The following TENM3 variants were observed in gnomAD, a reference collection of about 807,000 sequenced individuals.
TENM3 encodes the protein teneurin transmembrane protein 3, also known as teneurin-3.
TENM3 carries 63 observed loss-of-function variants against 255.1 expected under a neutral mutation model. The ratio of observed to expected loss-of-function variants is 0.25; its 90% CI spans 0.20 to 0.30. TENM3 has a LOEUF of 0.30. Among genes scored for constraint, TENM3 ranks in the 10% least tolerant of loss-of-function variants. The probability of loss-of-function intolerance (pLI) is 1.00; values close to 1 mark genes in which losing one functional copy is unlikely to be tolerated. For missense variants in TENM3, 2,929 were observed against 3,461.1 expected (o/e 0.85, Z 3.86); for synonymous variants, 1,306 against 1,322.3 (o/e 0.99, Z 0.27).
At chr4:182,569,099 T>C (rs1207943075) in intron 3 of TENM3, among the ~76,000 whole-genome samples, 9 of 152,216 alleles carry the variant, frequency 5.9e-5, no homozygotes, top group Non-Finnish European at 1.3e-4. Flanking sequence ...AGTTGTCAAA[T>C]TTGTCAAACT....
the TENM3 span, among the ~76,000 whole-genome samples, chr4:181,781,712 T>G: frequency 2.0e-5 from 3 of 152,232 alleles, no homozygotes; most frequent in African/African-American, 7.2e-5. Context: ...TCAAAGGGAC[T>G]GCTTCCAGTT....
the TENM3 span, among the ~76,000 whole-genome samples, chr4:181,767,806 T>A: frequency 6.6e-5 from 10 of 152,336 alleles, no homozygotes; most frequent in East Asian, 1.9e-3. Flanking sequence ...CTTCAAGGCA[T>A]ATTTTAATAT....
intron 3 of TENM3, among the ~76,000 whole-genome samples, chr4:182,368,668 TA>T (rs1213039081): frequency 6.6e-5 from 10 of 152,264 alleles, no homozygotes; most frequent in African/African-American, 2.2e-4. Flanking sequence ...AATTGATCTC[TA>T]AAAGGGATAA....
At chr4:182,011,625 G>A in the TENM3 span, among the ~76,000 whole-genome samples, 8 of 152,124 alleles carry the variant, frequency 5.3e-5, no homozygotes, top group South Asian at 6.2e-4. Context: ...TGCCCACCTC[G>A]GCAGCTTCAT....
the TENM3 span, among the ~76,000 whole-genome samples, chr4:181,971,697 CGTAG>C: frequency 6.6e-6 from 1 of 151,908 alleles, no homozygotes; most frequent in East Asian, 1.9e-4. Context: ...CTCTCTAGTA[CGTAG>C]GACCACAGGC....
chr4:182,691,382 G>T (rs7694547), intron 12 of TENM3, among the ~76,000 whole-genome samples: 35,166 of 152,162 alleles, frequency 0.23, 4,934 homozygotes, highest in East Asian at 0.69. Flanking sequence ...AAATGGAGGA[G>T]AAAGTAAACA....
At chr4:181,490,497 T>G in the TENM3 span, among the ~76,000 whole-genome samples, 11 of 152,210 alleles carry the variant, frequency 7.2e-5, no homozygotes, top group Admixed American at 3.9e-4. Context: ...ACAAAATCAG[T>G]TAATACAATA....
the TENM3 span, among the ~76,000 whole-genome samples, chr4:181,764,354 C>T: frequency 6.6e-6 from 1 of 152,170 alleles, no homozygotes; most frequent in African/African-American, 2.4e-5. Flanking sequence ...TTCCACTCCA[C>T]TGCATAAAGT....
At chr4:182,600,648 A>G (rs1294550826) in intron 3 of TENM3, among the ~76,000 whole-genome samples, 6 of 151,416 alleles carry the variant, frequency 4.0e-5, no homozygotes, top group Non-Finnish European at 8.8e-5. Context: ...AAACCAGATG[A>G]AAAAAAAATC....
the TENM3 span, among the ~76,000 whole-genome samples, chr4:181,668,788 C>T: frequency 3.9e-5 from 6 of 152,134 alleles, no homozygotes; most frequent in African/African-American, 9.7e-5. Context: ...CCTACTCCTC[C>T]GCCTTTGCCC....
chr4:182,345,668 C>A (rs868711430), intron 2 of TENM3, among the ~76,000 whole-genome samples: 3 of 152,032 alleles, frequency 2.0e-5, no homozygotes, highest in Non-Finnish European at 4.4e-5. Context: ...TAGTATAAAA[C>A]GTGAAATTTC....
the TENM3 span, among the ~76,000 whole-genome samples, chr4:181,479,246 G>A: frequency 6.6e-6 from 1 of 152,076 alleles, no homozygotes; most frequent in Non-Finnish European, 1.5e-5. Flanking sequence ...ATGCTAATTG[G>A]AATAGTAGAT....
In TENM3 at chr4:182,677,750, C is replaced by CAA; in HGVS notation, c.1327-1913_1327-1912dup. Among the ~76,000 whole-genome samples the CAA allele has an allele frequency of 2.0e-5, 3 of 151,894 alleles. No homozygotes were observed. In the South Asian group the frequency reaches 6.2e-4, roughly 32 times the overall value. The stretch of plus-strand genomic sequence containing the variant: ...TGAATTCTGTTCTGATGAAACTACA[C>CAA]AAAAGAACAAAAAAAGGTTTTACTT... On this transcript the variant is annotated intron_variant, in intron 7 of 27. Coordinates refer to ENST00000511685, the MANE Select transcript of TENM3 (RefSeq NM_001080477.4).
At chr4:182,743,739 G>C (rs1761780330) in intron 19 of TENM3, among the ~76,000 whole-genome samples, 1 of 152,070 alleles carries the variant, frequency 6.6e-6, no homozygotes, top group African/African-American at 2.4e-5. Flanking sequence ...CTGTGACATA[G>C]GTGTAGCTCT....
At chr4:182,428,410 C>T (rs1014278846) in intron 3 of TENM3, among the ~76,000 whole-genome samples, 6 of 152,174 alleles carry the variant, frequency 3.9e-5, no homozygotes, top group African/African-American at 1.2e-4. Context: ...TGCTTTGCTT[C>T]TCCTGCTTAC....
chr4:181,641,731 T>G, the TENM3 span, among the ~76,000 whole-genome samples: 1 of 119,646 alleles, frequency 8.4e-6, no homozygotes, highest in African/African-American at 3.2e-5. Context: ...GTATAATAAA[T>G]TATATATATA....
chr4:182,483,876 C>A (rs1179218772), intron 3 of TENM3, among the ~76,000 whole-genome samples: 1 of 152,010 alleles, frequency 6.6e-6, no homozygotes, highest in Non-Finnish European at 1.5e-5. Flanking sequence ...CCATTCTTAA[C>A]CAGATCTCGC....
intron 3 of TENM3, among the ~76,000 whole-genome samples, chr4:182,551,548 C>G (rs1358290767): frequency 4.0e-5 from 6 of 150,698 alleles, no homozygotes; most frequent in Non-Finnish European, 7.4e-5. Flanking sequence ...ATAAATTGTA[C>G]AAAAGAGAGA....
At chr4:182,755,370 A>G (rs971664320) in intron 22 of TENM3, 111 bp downstream of exon 22, 3 of 1,114,854 alleles carry the variant, frequency 2.7e-6, no homozygotes, top group Admixed American at 3.0e-5. Flanking sequence ...TTGAGAGTCT[A>G]GAGCTTCTGT....
Sources: gnomAD v4.1 joint callset for allele counts (sites outside exome capture counted in the v4.1 genomes callset) on GRCh38, gnomAD v4.1.1 for gene constraint, MANE v1.5 for transcripts, NCBI Gene and HGNC (gene_info 2026-07-23, HGNC 2026-07-21) for gene names.